Variants in BCAS4 observed in about 807,000 individuals in gnomAD.
The protein encoded by BCAS4 is breast carcinoma amplified sequence 4.
Under a neutral mutation model 15.7 loss-of-function variants are expected in BCAS4, and 9 were observed. The ratio of observed to expected loss-of-function variants is 0.57; its 90% CI spans 0.34 to 1.00. BCAS4 has a LOEUF of 1.00. BCAS4 is among the 50% of genes least tolerant of loss of function. The probability of loss-of-function intolerance (pLI) is 0.02; values close to 1 mark genes in which losing one functional copy is unlikely to be tolerated. For missense variants in BCAS4, 225 were observed against 239.1 expected (o/e 0.94, Z 0.39); for synonymous variants, 101 against 99.5 (o/e 1.02, Z -0.09).
intron 4 of BCAS4, among the ~76,000 whole-genome samples, chr20:50,845,701 G>A (rs1226301116): frequency 6.6e-6 from 1 of 152,232 alleles, no homozygotes; most frequent in Admixed American, 6.5e-5. Flanking sequence ...AGGGTGACCT[G>A]GCCATGTGGC....
intron 4 of BCAS4, among the ~76,000 whole-genome samples, chr20:50,855,183 C>G (rs917161755): frequency 6.6e-6 from 1 of 152,208 alleles, no homozygotes; most frequent in Admixed American, 6.5e-5. Context: ...CACCCTCACC[C>G]CCAGCCCTGC....
At chr20:50,808,462 T>C (rs1343984627) in intron 1 of BCAS4, among the ~76,000 whole-genome samples, 1 of 152,234 alleles carries the variant, frequency 6.6e-6, no homozygotes, top group Non-Finnish European at 1.5e-5. Flanking sequence ...TAAAAGTGTT[T>C]ACATTCCCAC....
At chr20:50,814,571 C>T (rs2088115635) in intron 1 of BCAS4, among the ~76,000 whole-genome samples, 1 of 152,268 alleles carries the variant, frequency 6.6e-6, no homozygotes. Context: ...GCATGAGCCG[C>T]TCTACCCAGC....
intron 4 of BCAS4, among the ~76,000 whole-genome samples, chr20:50,852,528 C>A (rs755228373): frequency 2.6e-5 from 4 of 152,148 alleles, no homozygotes; most frequent in Non-Finnish European, 5.9e-5. Context: ...ACTACAGGTG[C>A]CCGCCACCAT....
upstream of BCAS4, chr20:50,794,949 G>T (rs1459393421): frequency 8.4e-6 from 10 of 1,184,556 alleles, no homozygotes; most frequent in East Asian, 3.6e-5. Context: ...AGCCGCGACC[G>T]CCGGGAGCGC....
rs138029391 is a variant in BCAS4, at chr20:50,868,682, C to T, written c.400-7804C>T. Among the ~76,000 whole-genome samples, 1,207 of 152,306 alleles carry T rather than the reference C, an allele frequency of 7.9e-3. 12 individuals carry two copies. The highest frequency in any genetic ancestry group is 0.024 in the African/African-American group (978 of 41,574). Reference sequence around the variant, plus strand: ...AAGCAGTCCTCCCACCTTGGCCTCCCAAAGGCTAGGATTACAGGCTGCCAT... The same window carrying T: ...AAGCAGTCCTCCCACCTTGGCCTCCTAAAGGCTAGGATTACAGGCTGCCAT... On this transcript the variant is annotated intron_variant, in intron 4 of 4. Coordinates refer to ENST00000371608, the MANE Select transcript of BCAS4 (RefSeq NM_198799.4).
At chr20:50,842,069 G>A (rs114935198) in intron 4 of BCAS4, among the ~76,000 whole-genome samples, 169 bp downstream of exon 4, 2,643 of 152,304 alleles carry the variant, frequency 0.017, 68 homozygotes, top group African/African-American at 0.061. Context: ...TCTGTCCCCT[G>A]TGAGCCCTGG....
At chr20:50,870,038 C>T (rs1169894989) in intron 4 of BCAS4, among the ~76,000 whole-genome samples, 1 of 152,198 alleles carries the variant, frequency 6.6e-6, no homozygotes. Flanking sequence ...CATGAGCCAT[C>T]ACACCCAGCC....
At chr20:50,875,967 C>A (rs1466687796) in intron 4 of BCAS4, 1 of 455,924 alleles carries the variant, frequency 2.2e-6, no homozygotes, top group African/African-American at 2.0e-5. Flanking sequence ...TTTTTTCTTC[C>A]CCGAGACATT....
At chr20:50,852,447 T>C (rs999424799) in intron 4 of BCAS4, among the ~76,000 whole-genome samples, 1 of 152,124 alleles carries the variant, frequency 6.6e-6, no homozygotes, top group Non-Finnish European at 1.5e-5. Context: ...GGTGGCCTGA[T>C]CTTAGCTCGC....
At position 50,876,616 on chromosome 20, in the gene BCAS4, G is replaced by C. The variant is rs778987289; in HGVS notation, c.*8G>C. On this transcript the variant is annotated 3_prime_UTR_variant, in exon 5 of 5. Coordinates refer to ENST00000371608, the MANE Select transcript of BCAS4 (RefSeq NM_198799.4). Reference sequence around the variant, plus strand: ...TGCCCTCGGCCTTTGTGAGCTTTGTGGTCTTCCCATCAGGAACGCTGGAAA... The same window carrying C: ...TGCCCTCGGCCTTTGTGAGCTTTGTCGTCTTCCCATCAGGAACGCTGGAAA... The C allele has an allele frequency of 6.2e-6, 10 of 1,613,494 alleles. No homozygotes were observed. In the East Asian group the frequency reaches 6.7e-5, roughly 11 times the overall value.
chr20:50,803,355 G>A (rs180706218), intron 1 of BCAS4, among the ~76,000 whole-genome samples: 7 of 152,330 alleles, frequency 4.6e-5, no homozygotes, highest in African/African-American at 1.7e-4. Flanking sequence ...GGTGCAAGGG[G>A]CATGTGTGTG....
intron 1 of BCAS4, among the ~76,000 whole-genome samples, chr20:50,816,060 C>G (rs1381501439): frequency 6.6e-6 from 1 of 151,926 alleles, no homozygotes; most frequent in Non-Finnish European, 1.5e-5. Context: ...AGATCTTGCT[C>G]TGTCTCCCAG....
Position 50,818,253 on chromosome 20 carries a change from C to T in BCAS4, c.133C>T (p.Leu45=). 6.2e-7 allele frequency: 1 copy of T among 1,611,234 alleles called. No individual in the cohort carries two copies. Among genetic ancestry groups the T allele is most frequent in the Non-Finnish European group, 8.5e-7 (1 of 1,179,410 alleles). ...GACCATCGAGGGCATGCTCCTCAGGCTGGAAGAGTTTTGCAGCCTGGCTGA... is the reference window on the plus strand; with the variant it reads ...GACCATCGAGGGCATGCTCCTCAGGTTGGAAGAGTTTTGCAGCCTGGCTGA... The part of the protein sequence containing the change: ...EETIEGMLLR[L]EEFCSLADLI... Residue 45 remains leucine, a synonymous_variant, in exon 2 of 5, where the codon CTG becomes TTG. Coordinates refer to ENST00000371608, the MANE Select transcript of BCAS4 (RefSeq NM_198799.4).
intron 4 of BCAS4, among the ~76,000 whole-genome samples, chr20:50,850,758 C>A (rs1292239483): frequency 1.3e-5 from 2 of 152,270 alleles, no homozygotes; most frequent in African/African-American, 4.8e-5. Context: ...CGTGCTCACT[C>A]TTGGTGCCTG....
intron 4 of BCAS4, among the ~76,000 whole-genome samples, chr20:50,856,726 C>T (rs1296210439): frequency 2.0e-5 from 3 of 152,158 alleles, no homozygotes; most frequent in South Asian, 2.1e-4. Context: ...GACATGGGGG[C>T]GCTGCTTGCA....
chr20:50,827,026 A>T (rs1175383466), intron 2 of BCAS4, among the ~76,000 whole-genome samples: 1 of 152,086 alleles, frequency 6.6e-6, no homozygotes, highest in Non-Finnish European at 1.5e-5. Context: ...AAACAAACAA[A>T]CAAAAAAAAC....
rs183203420 is a variant in BCAS4 at position 50,818,953 on chromosome 20, C to T, written c.162+671C>T. 9.8e-3 allele frequency among the ~76,000 whole-genome samples: 1,487 copies of T among 152,170 alleles called. 34 individuals carry two copies. The highest frequency in any genetic ancestry group is 0.034 in the African/African-American group (1,426 of 41,514). On this transcript the variant is annotated intron_variant, in intron 2 of 4. Coordinates refer to ENST00000371608, the MANE Select transcript of BCAS4 (RefSeq NM_198799.4). ...ATCCCAGCACTTTGGGAGGCCAAAG[C>T]GGGCAGATCACTTGAGGTCAGGAGT... is the stretch of plus-strand genomic sequence containing the variant.
In BCAS4 at chr20:50,813,237, C is replaced by T. The variant is rs578191560; in HGVS notation, c.91-4974C>T. Among the ~76,000 whole-genome samples, 48 of 152,330 alleles carry T rather than the reference C, an allele frequency of 3.2e-4. No individual in the cohort carries two copies. In the South Asian group the frequency reaches 5.2e-3, roughly 16 times the overall value. The stretch of plus-strand genomic sequence containing the variant: ...AATTGTACCCTTCCCACCAGCAGTG[C>T]GTGAGGCTTCCAATTCCTCCACATC... On this transcript the variant is annotated intron_variant, in intron 1 of 4. Transcript: ENST00000371608.
Sources: gnomAD v4.1 joint callset for allele counts (sites outside exome capture counted in the v4.1 genomes callset) on GRCh38, gnomAD v4.1.1 for gene constraint, MANE v1.5 for transcripts, NCBI Gene and HGNC (gene_info 2026-07-23, HGNC 2026-07-21) for gene names.